FRMPD1: variants seen among roughly 807,000 people sequenced by gnomAD.
The protein encoded by FRMPD1 is FERM and PDZ domain containing 1.
A neutral mutation model predicts 117.8 loss-of-function variants in FRMPD1; 76 were observed. The ratio of observed to expected loss-of-function variants is 0.65; its 90% CI spans 0.54 to 0.78. The LOEUF (loss-of-function observed/expected upper bound fraction) is 0.78. FRMPD1 is among the 30% of genes least tolerant of loss of function. FRMPD1 has a pLI of 0.00. For missense variants in FRMPD1, 1,786 were observed against 1,964.5 expected, an observed-to-expected ratio of 0.91 and a Z score of 1.72; for synonymous variants, 783 against 770.4, an observed-to-expected ratio of 1.02 and a Z score of -0.27.
At chr9:37,671,349 G>A (rs1821345099) in intron 1 of FRMPD1, among the ~76,000 whole-genome samples, 1 of 152,184 alleles carries the variant, frequency 6.6e-6, no homozygotes, top group South Asian at 2.1e-4. Flanking sequence ...ATGACTTCTA[G>A]TATTTGTAGT....
chr9:37,662,540 G>A (rs184104931), intron 1 of FRMPD1, among the ~76,000 whole-genome samples: 31 of 152,316 alleles, frequency 2.0e-4, no homozygotes, highest in Non-Finnish European at 3.7e-4. Flanking sequence ...CTGAGGGATC[G>A]GAACCAGAAC....
At chr9:37,664,693 A>G (rs1821107233) in intron 1 of FRMPD1, among the ~76,000 whole-genome samples, 1 of 152,234 alleles carries the variant, frequency 6.6e-6, no homozygotes, top group African/African-American at 2.4e-5. Flanking sequence ...TGCTATAGAC[A>G]CTAAACATTC....
At position 37,729,840 on chromosome 9, in the gene FRMPD1, A is replaced by G; in HGVS notation, c.725A>G (p.Glu242Gly). 6.2e-7 allele frequency: 1 copy of G among 1,613,784 alleles called. No homozygotes were observed. Among genetic ancestry groups the G allele is most frequent in the Non-Finnish European group, 8.5e-7 (1 of 1,179,914 alleles). Residue 242 changes from glutamate (E) to glycine (G), a missense_variant, in exon 8 of 16, where the codon GAA (glutamate) becomes GGA (glycine). Coordinates refer to ENST00000377765, the MANE Select transcript of FRMPD1 (RefSeq NM_014907.3). ...CGGCTGCACCTGCTGCACGAAGAGG[A>G]ACTCATCCAGCAGGTAGGGAGGACT... ...ISRLHLLHEE[E>G]LIQQVVEREE...
chr9:37,637,969 TTTCTTTCTTTC>T, the FRMPD1 span, among the ~76,000 whole-genome samples: 19 of 70,798 alleles, frequency 2.7e-4, no homozygotes, highest in African/African-American at 9.6e-4. Flanking sequence ...GTATGCTTTC[TTTCTTTCTTTC>T]TTTCTTTCTT....
chr9:37,613,367 T>A, the FRMPD1 span, among the ~76,000 whole-genome samples: 1 of 152,180 alleles, frequency 6.6e-6, no homozygotes, highest in Non-Finnish European at 1.5e-5. Flanking sequence ...GACAGTAAGA[T>A]TCCCTAAAGC....
intron 1 of FRMPD1, among the ~76,000 whole-genome samples, chr9:37,681,500 A>G (rs1023706764): frequency 2.0e-5 from 3 of 152,216 alleles, no homozygotes; most frequent in Non-Finnish European, 4.4e-5. Context: ...TGTCATAGCA[A>G]TCTGAATTCT....
Position 37,729,977 on chromosome 9 carries a change from A to G in FRMPD1, c.738+124A>G, listed in dbSNP as rs1823797131. ...TTTGATGCACTTTCTCTTGCCCCAG[A>G]AGGCACAGAGCTCACTCAGCCTGGG... On this transcript the variant is annotated intron_variant, in intron 8 of 15. Transcript: ENST00000377765. 16 of 1,003,382 alleles carry G rather than the reference A, an allele frequency of 1.6e-5. 2 individuals are homozygous for G. The South Asian group carries it at 2.2e-4, about 14-fold the overall frequency. 62.2% of individuals were successfully genotyped at this position (1,003,382 alleles called of 1,614,324 possible).
the FRMPD1 span, among the ~76,000 whole-genome samples, chr9:37,640,590 G>C: frequency 1.3e-5 from 2 of 152,286 alleles, no homozygotes; most frequent in East Asian, 3.9e-4. Flanking sequence ...GCTCTGGAAG[G>C]TCGGGCTAGG....
chr9:37,712,859 A>G (rs1353310635), intron 5 of FRMPD1, among the ~76,000 whole-genome samples: 1 of 152,236 alleles, frequency 6.6e-6, no homozygotes, highest in Non-Finnish European at 1.5e-5. Flanking sequence ...TCTGGAAAAC[A>G]GAAAGATTGT....
At chr9:37,620,299 C>T in the FRMPD1 span, among the ~76,000 whole-genome samples, 2,708 of 152,206 alleles carry the variant, frequency 0.018, 95 homozygotes, top group African/African-American at 0.063. Context: ...TGCTGAGAAC[C>T]AAAAATAATG....
At chr9:37,603,665 GTTTTA>G in the FRMPD1 span, among the ~76,000 whole-genome samples, 3,566 of 150,084 alleles carry the variant, frequency 0.024, 141 homozygotes, top group African/African-American at 0.083. Flanking sequence ...GTTTTGTTTT[GTTTTA>G]TTTTGTTTTG....
intron 15 of FRMPD1, among the ~76,000 whole-genome samples, chr9:37,743,038 T>C (rs1305447513): frequency 6.6e-6 from 1 of 152,246 alleles, no homozygotes; most frequent in Non-Finnish European, 1.5e-5. Context: ...TAGAAATGAC[T>C]GGTCTGACTA....
the FRMPD1 span, among the ~76,000 whole-genome samples, chr9:37,634,704 C>T: frequency 1.3e-5 from 2 of 151,932 alleles, no homozygotes; most frequent in Admixed American, 6.5e-5. Flanking sequence ...GAAGCTCTTG[C>T]AGTTGTTTCC....
intron 12 of FRMPD1, among the ~76,000 whole-genome samples, chr9:37,734,118 T>A (rs1206861630): frequency 6.6e-6 from 1 of 152,164 alleles, no homozygotes; most frequent in South Asian, 2.1e-4. Context: ...TCAGGCCTAT[T>A]GCTGTGGAGT....
the FRMPD1 span, among the ~76,000 whole-genome samples, chr9:37,623,596 A>G: frequency 6.6e-6 from 1 of 152,192 alleles, no homozygotes; most frequent in Non-Finnish European, 1.5e-5. Context: ...AGTCATAGAT[A>G]TGGCTGGACA....
the FRMPD1 span, among the ~76,000 whole-genome samples, chr9:37,616,160 C>G: frequency 6.9e-6 from 1 of 144,482 alleles, no homozygotes; most frequent in African/African-American, 2.6e-5. Context: ...ACTCTGTCGC[C>G]CAGGCTGGAG....
At chr9:37,636,730 G>A in the FRMPD1 span, 6 of 1,587,426 alleles carry the variant, frequency 3.8e-6, no homozygotes, top group South Asian at 2.3e-5. Flanking sequence ...GGGTGCTGTC[G>A]ATCTTGAGAT....
rs771170090 is a variant in FRMPD1, at chr9:37,745,131, A to C, written c.3099A>C (p.Leu1033=). The change falls in exon 16 of 16, where the codon CTA becomes CTC. Residue 1033 remains leucine, a synonymous_variant. Transcript: ENST00000377765. ...CCTGCCTGGCCAGCAACCCAGGACTAAATAATGTCTCTCAAGGAGACACAC... is the reference window on the plus strand; with the variant it reads ...CCTGCCTGGCCAGCAACCCAGGACTCAATAATGTCTCTCAAGGAGACACAC... The part of the protein sequence containing the change: ...DRACLASNPG[L]NNVSQGDTLE... The C allele has an allele frequency of 9.9e-6, 16 of 1,613,956 alleles. No homozygotes were observed. The South Asian group carries it at 1.1e-4, about 11-fold the overall frequency.
At chr9:37,617,092 T>C in the FRMPD1 span, among the ~76,000 whole-genome samples, 2 of 152,264 alleles carry the variant, frequency 1.3e-5, no homozygotes, top group Admixed American at 6.5e-5. Flanking sequence ...TATGTGATTT[T>C]GCTCTTAATC....
Sources: allele counts gnomAD v4.1 joint callset (sites outside exome capture counted in the v4.1 genomes callset), GRCh38; gene constraint gnomAD v4.1.1; transcripts MANE v1.5; gene names NCBI Gene and HGNC (gene_info 2026-07-23, HGNC 2026-07-21).